Variants in VSTM2L observed in about 807,000 individuals in gnomAD.
VSTM2L encodes V-set and transmembrane domain-containing protein 2-like protein.
In VSTM2L, 9 loss-of-function variants were observed where a neutral mutation model predicts 19.9. That is an observed-to-expected ratio of 0.45 (90% confidence interval 0.27 to 0.79). VSTM2L has a LOEUF of 0.79. Ranked by LOEUF, VSTM2L falls within the 30% of genes least tolerant of loss-of-function variation. VSTM2L has a pLI of 0.15. For synonymous variants in VSTM2L, 127 were observed against 133.8 expected (o/e 0.95, Z 0.35); for missense variants, 286 against 295.5 (o/e 0.97, Z 0.24).
intron 1 of VSTM2L, among the ~76,000 whole-genome samples, chr20:37,928,458 A>G (rs1040353590): frequency 2.0e-5 from 3 of 152,236 alleles, no homozygotes; most frequent in African/African-American, 7.2e-5. Context: ...TCATTCAAAA[A>G]GCACTTATTG....
intron 3 of VSTM2L, among the ~76,000 whole-genome samples, chr20:37,943,366 C>T (rs2072984717): frequency 6.6e-6 from 1 of 151,992 alleles, no homozygotes; most frequent in Admixed American, 6.5e-5. Flanking sequence ...GCCTCAAACT[C>T]CTGGGCTCAA....
At chr20:37,919,765 A>G (rs2072840267) in intron 1 of VSTM2L, among the ~76,000 whole-genome samples, 1 of 152,198 alleles carries the variant, frequency 6.6e-6, no homozygotes, top group Non-Finnish European at 1.5e-5. Context: ...GGGCTTAGAT[A>G]AGATTTAGGC....
At chr20:37,911,126 C>A (rs546370550) in intron 1 of VSTM2L, among the ~76,000 whole-genome samples, 1 of 149,952 alleles carries the variant, frequency 6.7e-6, no homozygotes, top group African/African-American at 2.5e-5. Context: ...CAAAAATTAG[C>A]CGGGCATGGT....
At chr20:37,915,350 A>G (rs2072812364) in intron 1 of VSTM2L, among the ~76,000 whole-genome samples, 1 of 152,112 alleles carries the variant, frequency 6.6e-6, no homozygotes, top group African/African-American at 2.4e-5. Context: ...GGGAACACTA[A>G]GCGCCAAGGT....
intron 1 of VSTM2L, among the ~76,000 whole-genome samples, chr20:37,907,610 G>C (rs1248936524): frequency 6.6e-6 from 1 of 151,908 alleles, no homozygotes; most frequent in African/African-American, 2.4e-5. Flanking sequence ...GCTCCAAGAA[G>C]CCTCACACTG....
At chr20:37,904,302 G>A (rs1442305251) in intron 1 of VSTM2L, among the ~76,000 whole-genome samples, 3 of 152,232 alleles carry the variant, frequency 2.0e-5, no homozygotes, top group Non-Finnish European at 2.9e-5. Context: ...TGGGCAGGAA[G>A]CCGTGCCATC....
intron 1 of VSTM2L, among the ~76,000 whole-genome samples, chr20:37,914,414 GTCT>G (rs2072803889): frequency 9.7e-3 from 5 of 518 alleles, no homozygotes; most frequent in Non-Finnish European, 0.014. Flanking sequence ...GTGTGGGTAT[GTCT>G]GTATATGTGT....
chr20:37,903,413 C>T lies in VSTM2L; in HGVS notation c.63C>T (p.Leu21=), dbSNP rs1170218655. 22 of 1,488,916 alleles carry T rather than the reference C, an allele frequency of 1.5e-5. No individual in the cohort carries two copies. Among genetic ancestry groups the T allele is most frequent in the Non-Finnish European group, 1.9e-5 (21 of 1,125,960 alleles). The allele number at this position is 1,488,916 out of a possible 1,614,324, so 92.2% of individuals were successfully genotyped here. A position where few individuals can be genotyped will look rare whatever the true frequency, so the allele number is the denominator to read the frequency against. Residue 21 remains leucine (L), a synonymous_variant, in exon 1 of 4, where the codon CTC becomes CTT. Coordinates refer to ENST00000373461, the MANE Select transcript of VSTM2L (RefSeq NM_080607.3). ...ACTACCTGGCACTTTTCCTGCAACT[C>T]GGCGGCGCCACGCGGCCCGCCGGCC... ...ALHYLALFLQ[L]GGATRPAGHA...
rs116407735 is a variant in VSTM2L, at chr20:37,909,429, C to T, written c.121+5958C>T. Among the ~76,000 whole-genome samples, 1,229 of 152,196 alleles carry T rather than the reference C, an allele frequency of 8.1e-3. 24 individuals are homozygous for T. The highest frequency in any genetic ancestry group is 0.027 in the African/African-American group (1,112 of 41,524). On this transcript the variant is annotated intron_variant, in intron 1 of 3. Coordinates refer to ENST00000373461, the MANE Select transcript of VSTM2L (RefSeq NM_080607.3). ...GGTCAGATTCCCTTGTGTCCTGGGACCCAGGACAATGCCCGGCCCAGGGAG... is the reference window on the plus strand; with the variant it reads ...GGTCAGATTCCCTTGTGTCCTGGGATCCAGGACAATGCCCGGCCCAGGGAG...
chr20:37,936,457 G>A (rs1170681498), intron 3 of VSTM2L, among the ~76,000 whole-genome samples: 1 of 152,178 alleles, frequency 6.6e-6, no homozygotes, highest in African/African-American at 2.4e-5. Flanking sequence ...ACAGGCTGGT[G>A]GAATCCCAGA....
Position 37,944,137 on chromosome 20 carries a change from G to A in VSTM2L, c.499G>A (p.Glu167Lys), listed in dbSNP as rs746386962. 3.1e-6 allele frequency: 5 copies of A among 1,609,000 alleles called. No individual in the cohort carries two copies. In the African/African-American group the frequency reaches 5.3e-5, roughly 17 times the overall value. Reference sequence around the variant, plus strand: ...GGCCTACCTGCGGGTGCAGCCAGGGGAGAACTCCGTCCTGCATCTGCCCGA... The same window carrying A: ...GGCCTACCTGCGGGTGCAGCCAGGGAAGAACTCCGTCCTGCATCTGCCCGA... ...VKAYLRVQPG[E>K]NSVLHLPEAP... The change falls in exon 4 of 4, where the codon GAG becomes AAG. Residue 167 changes from glutamate to lysine, a missense_variant. Transcript: ENST00000373461.
intron 1 of VSTM2L, among the ~76,000 whole-genome samples, chr20:37,912,067 T>C (rs2072782852): frequency 6.6e-6 from 1 of 152,190 alleles, no homozygotes; most frequent in South Asian, 2.1e-4. Context: ...CTCCTCCCAT[T>C]TACTCCCCAC....
rs1245203415 is a variant in VSTM2L, at chr20:37,903,202, GAGCT to G, written c.-148_-145del. 4.7e-6 allele frequency: 5 copies of G among 1,064,090 alleles called. No homozygotes were observed. Among genetic ancestry groups the G allele is most frequent in the Non-Finnish European group, 5.9e-6 (5 of 842,382 alleles). The allele number at this position is 1,064,090 out of a possible 1,614,324, so 65.9% of individuals were successfully genotyped here. On this transcript the variant is annotated 5_prime_UTR_variant, in exon 1 of 4. Transcript: ENST00000373461. The stretch of plus-strand genomic sequence containing the variant: ...TGGGCCGGAGCCGGGCGAGGGCTGG[GAGCT>G]GGGCCGGGTCCGGGGACAGCGGGCG...
At chr20:37,913,452 C>T (rs1330822108) in intron 1 of VSTM2L, among the ~76,000 whole-genome samples, 1 of 152,226 alleles carries the variant, frequency 6.6e-6, no homozygotes, top group Non-Finnish European at 1.5e-5. Flanking sequence ...TCTCTCCCTG[C>T]AGCCCTCTCA....
In VSTM2L at chr20:37,903,428, GCCCGCCGGCCACGCGC is replaced by G; in HGVS notation, c.81_96del (p.Ala28GlyfsTer18). 1 of 1,487,984 alleles carries G rather than the reference GCCCGCCGGCCACGCGC, an allele frequency of 6.7e-7. No homozygotes were observed. Among genetic ancestry groups the G allele is most frequent in the African/African-American group, 1.5e-5 (1 of 68,696 alleles). 92.2% of individuals were successfully genotyped at this position (1,487,984 alleles called of 1,614,324 possible). A position where few individuals can be genotyped will look rare whatever the true frequency, so the allele number is the denominator to read the frequency against. On this transcript the variant is annotated frameshift_variant, in exon 1 of 4. Transcript: ENST00000373461. LOFTEE classifies it high-confidence loss of function. ...TCCTGCAACTCGGCGGCGCCACGCG[GCCCGCCGGCCACGCGC>G]CCTGGGACAACCACGTCTCCGGCCA...
intron 3 of VSTM2L, among the ~76,000 whole-genome samples, chr20:37,940,076 C>T (rs1180662173): frequency 6.6e-6 from 1 of 152,138 alleles, no homozygotes; most frequent in East Asian, 1.9e-4. Flanking sequence ...GGAGCGAGTG[C>T]TCCCAGCACT....
In VSTM2L at chr20:37,931,639, G is replaced by C. The variant is rs748721834; in HGVS notation, c.126G>C (p.Leu42=). The change falls in exon 2 of 4, where the codon CTG becomes CTC. Residue 42 remains leucine, a synonymous_variant. Transcript: ENST00000373461. ...TTCCCCCTGTTTCTTGCACAGCCCT[G>C]TTCACAGAGACACCCCATGACATGA... ...PWDNHVSGHA[L]FTETPHDMTA... The C allele has an allele frequency of 6.2e-7, 1 of 1,612,418 alleles. No individual in the cohort carries two copies. The highest frequency in any genetic ancestry group is 1.1e-5 in the South Asian group (1 of 91,040).
chr20:37,936,059 T>TTC (rs1476946648), intron 3 of VSTM2L, among the ~76,000 whole-genome samples: 3 of 150,954 alleles, frequency 2.0e-5, no homozygotes, highest in African/African-American at 7.3e-5. Flanking sequence ...TAATTTTTTT[T>TTC]TTTTTTTTGT....
chr20:37,919,828 G>A (rs1353078064), intron 1 of VSTM2L, among the ~76,000 whole-genome samples: 1 of 149,692 alleles, frequency 6.7e-6, no homozygotes, highest in Non-Finnish European at 1.5e-5. Context: ...ACTCTAACTT[G>A]TCCCTTGATG....
Sources: allele counts gnomAD v4.1 joint callset (sites outside exome capture counted in the v4.1 genomes callset), GRCh38; gene constraint gnomAD v4.1.1; transcripts MANE v1.5; gene names NCBI Gene and HGNC (gene_info 2026-07-23, HGNC 2026-07-21).